The following PHACTR1 variants were observed in gnomAD, a reference collection of about 807,000 sequenced individuals.
The protein encoded by PHACTR1 is phosphatase and actin regulator 1.
PHACTR1 carries 16 observed loss-of-function variants against 69.2 expected under a neutral mutation model. The observed-to-expected ratio is 0.23, with a 90% CI of 0.16 to 0.35. PHACTR1 has a LOEUF of 0.35. Ranked by LOEUF, PHACTR1 falls within the 10% of genes least tolerant of loss-of-function variation. The pLI, the probability that PHACTR1 is intolerant of heterozygous loss-of-function variation, is 1.00. For synonymous variants in PHACTR1, 312 were observed against 284.5 expected (o/e 1.10, Z -0.97); for missense variants, 510 against 734.7 (o/e 0.69, Z 3.54).
rs374212942 is a variant in PHACTR1, at chr6:13,239,807, CTG to C, written c.1391+9620_1391+9621del. Among the ~76,000 whole-genome samples the C allele has an allele frequency of 2.0e-4, 31 of 152,296 alleles. 1 individual carries two copies. In the East Asian group the frequency reaches 4.8e-3, roughly 24 times the overall value. On this transcript the variant is annotated intron_variant, in intron 10 of 14. Transcript: ENST00000332995. ...AGGACAGAGTTTCTGAGCCTCGACT[CTG>C]TGTGTATGTCCATGCCTGTGTGTCA...
At chr6:13,250,285 T>C (rs1774202294) in intron 10 of PHACTR1, among the ~76,000 whole-genome samples, 1 of 152,200 alleles carries the variant, frequency 6.6e-6, no homozygotes, top group South Asian at 2.1e-4. Context: ...AATATCTCCA[T>C]TAGAGAAAGA....
intron 4 of PHACTR1, among the ~76,000 whole-genome samples, chr6:12,837,583 A>C (rs1778283950): frequency 6.6e-6 from 1 of 152,156 alleles, no homozygotes; most frequent in Non-Finnish European, 1.5e-5. Context: ...CATTTGTCCA[A>C]CTTAACACAG....
intron 9 of PHACTR1, 138 bp downstream of exon 9, chr6:13,228,201 CT>C: frequency 9.4e-7 from 1 of 1,067,864 alleles, no homozygotes; most frequent in Non-Finnish European, 1.3e-6. Context: ...CGTAGGGCAG[CT>C]TAGTCTACCT....
chr6:13,052,864 C>G (rs1164203826), intron 4 of PHACTR1, among the ~76,000 whole-genome samples: 1 of 152,192 alleles, frequency 6.6e-6, no homozygotes, highest in Non-Finnish European at 1.5e-5. Context: ...TGCTGAAGGT[C>G]TAGGTAAAGC....
intron 4 of PHACTR1, among the ~76,000 whole-genome samples, chr6:12,760,258 C>T (rs949761108): frequency 6.6e-6 from 1 of 152,206 alleles, no homozygotes; most frequent in East Asian, 1.9e-4. Context: ...ATTTTCCTGC[C>T]GTTATATTTT....
chr6:12,767,056 A>G lies in PHACTR1; in HGVS notation c.250+17266A>G, dbSNP rs377281420. Among the ~76,000 whole-genome samples the G allele has an allele frequency of 4.6e-5, 7 of 152,336 alleles. No homozygotes were observed. In the East Asian group the frequency reaches 1.2e-3, roughly 25 times the overall value. ...TGTCCCCTCACATTGTATTTTGGTC[A>G]TGTATGAAGATGAAAATGGATTGCC... On this transcript the variant is annotated intron_variant, in intron 4 of 14. Coordinates refer to ENST00000332995, the MANE Select transcript of PHACTR1 (RefSeq NM_030948.6).
intron 4 of PHACTR1, among the ~76,000 whole-genome samples, chr6:13,003,951 C>CTATATATATA (rs1384494931): frequency 0.015 from 1,387 of 93,350 alleles, 82 homozygotes; most frequent in South Asian, 0.024. Context: ...AGTAGTATTC[C>CTATATATATA]TATATATATA....
chr6:12,922,199 A>C (rs188571803), intron 4 of PHACTR1, among the ~76,000 whole-genome samples: 9 of 152,270 alleles, frequency 5.9e-5, no homozygotes, highest in Admixed American at 5.2e-4. Context: ...TGACCTCACA[A>C]AGGACTCTTC....
intron 4 of PHACTR1, among the ~76,000 whole-genome samples, chr6:12,851,644 CA>C (rs1197681838): frequency 6.6e-6 from 1 of 152,116 alleles, no homozygotes; most frequent in Non-Finnish European, 1.5e-5. Flanking sequence ...TTTGATTTCC[CA>C]AATCCTTAAT....
intron 5 of PHACTR1, among the ~76,000 whole-genome samples, chr6:13,069,899 A>G (rs1453525374): frequency 6.6e-6 from 1 of 152,206 alleles, no homozygotes; most frequent in African/African-American, 2.4e-5. Context: ...ATTGCCAGTT[A>G]GAAATGACCA....
At chr6:13,127,138 T>C (rs1561867057) in intron 5 of PHACTR1, among the ~76,000 whole-genome samples, 1 of 152,148 alleles carries the variant, frequency 6.6e-6, no homozygotes. Flanking sequence ...GCTAGGAAGA[T>C]AAGGGTTCGT....
chr6:13,242,827 G>A (rs1487188929), intron 10 of PHACTR1, among the ~76,000 whole-genome samples: 1 of 152,166 alleles, frequency 6.6e-6, no homozygotes, highest in Non-Finnish European at 1.5e-5. Context: ...GAGAACATGG[G>A]AACCTCAGCT....
intron 5 of PHACTR1, among the ~76,000 whole-genome samples, chr6:13,118,859 A>G (rs1035915460): frequency 6.6e-6 from 1 of 152,174 alleles, no homozygotes; most frequent in Admixed American, 6.5e-5. Context: ...TTGCAACTCT[A>G]TTTAGCTACA....
chr6:12,920,818 A>G (rs537085479), intron 4 of PHACTR1, among the ~76,000 whole-genome samples: 1 of 152,342 alleles, frequency 6.6e-6, no homozygotes, highest in South Asian at 2.1e-4. Flanking sequence ...ATGGATGGGG[A>G]TTATGCTGTA....
chr6:12,926,188 C>T lies in PHACTR1; in HGVS notation c.251-127177C>T, dbSNP rs183743935. 1.0e-3 allele frequency among the ~76,000 whole-genome samples: 155 copies of T among 152,288 alleles called. 2 individuals carry two copies. The highest frequency in any genetic ancestry group is 9.5e-3 in the Admixed American group (146 of 15,294). On this transcript the variant is annotated intron_variant, in intron 4 of 14. Coordinates refer to ENST00000332995, the MANE Select transcript of PHACTR1 (RefSeq NM_030948.6). ...TGGCCCAATGCCCTGACTTCTTCCTCGTCTAGAATTATGGCTACCATTGAT... is the reference window on the plus strand; with the variant it reads ...TGGCCCAATGCCCTGACTTCTTCCTTGTCTAGAATTATGGCTACCATTGAT...
chr6:13,268,525 T>G (rs989596223), intron 10 of PHACTR1, among the ~76,000 whole-genome samples: 2 of 152,230 alleles, frequency 1.3e-5, no homozygotes, highest in African/African-American at 4.8e-5. Context: ...AACTAACATA[T>G]GTACAGTGCT....
chr6:13,269,328 A>G (rs1055375376), intron 10 of PHACTR1, among the ~76,000 whole-genome samples: 13 of 152,216 alleles, frequency 8.5e-5, no homozygotes, highest in Admixed American at 7.2e-4. Context: ...TTCAACGTGG[A>G]GTTGGTAAGC....
At chr6:12,877,743 C>T (rs182979440) in intron 4 of PHACTR1, among the ~76,000 whole-genome samples, 33 of 152,296 alleles carry the variant, frequency 2.2e-4, no homozygotes, top group African/African-American at 5.5e-4. Flanking sequence ...CATGTCCCCA[C>T]GCTGTGACAC....
chr6:13,219,077 G>A (rs2127271056), intron 8 of PHACTR1, among the ~76,000 whole-genome samples: 1 of 152,252 alleles, frequency 6.6e-6, no homozygotes, highest in Non-Finnish European at 1.5e-5. Flanking sequence ...AGGGAATAGA[G>A]TACAGCTTTT....
Sources: gnomAD v4.1 joint callset for allele counts (sites outside exome capture counted in the v4.1 genomes callset) on GRCh38, gnomAD v4.1.1 for gene constraint, MANE v1.5 for transcripts, NCBI Gene and HGNC (gene_info 2026-07-23, HGNC 2026-07-21) for gene names.